Variants in FCHSD1 observed in about 807,000 individuals in gnomAD.
FCHSD1 encodes F-BAR and double SH3 domains protein 1.
A neutral mutation model predicts 101.3 loss-of-function variants in FCHSD1; 109 were observed. The observed-to-expected ratio is 1.08, with a 90% CI of 0.92 to 1.26. The LOEUF (loss-of-function observed/expected upper bound fraction) is 1.26. FCHSD1 is among the 50% of genes most tolerant of loss of function. The pLI, the probability that FCHSD1 is intolerant of heterozygous loss-of-function variation, is 0.00. For synonymous variants in FCHSD1, 291 were observed against 356.8 expected, an observed-to-expected ratio of 0.82 and a Z score of 2.08; for missense variants, 820 against 895.8, an observed-to-expected ratio of 0.92 and a Z score of 1.08.
chr5:141,649,149 T>A lies in FCHSD1; in HGVS notation c.512+23A>T, dbSNP rs1596467164. 7 of 1,613,772 alleles carry A rather than the reference T, an allele frequency of 4.3e-6. No individual in the cohort carries two copies. Among genetic ancestry groups the A allele is most frequent in the African/African-American group, 1.3e-5 (1 of 74,896 alleles). On this transcript the variant is annotated intron_variant, in intron 6 of 19. Coordinates refer to ENST00000435817, the MANE Select transcript of FCHSD1 (RefSeq NM_033449.3). The surrounding 1 kb of genome is among the most constrained non-coding windows in gnomAD (Gnocchi z 4.1). ...ACCTCCCTGTTCCCCAACCTTGGGC[T>A]TCCTCACTCTCCATGACCCCACCTG...
At chr5:141,650,996 A>G (rs768468119) in intron 2 of FCHSD1, 24 bp downstream of exon 2, 16 of 1,558,698 alleles carry the variant, frequency 1.0e-5, no homozygotes, top group African/African-American at 1.4e-5. Flanking sequence ...GGTGAGTGTA[A>G]ATGAAGGGGG....
chr5:141,642,024 C>T, intron 18 of FCHSD1: 1 of 567,386 alleles, frequency 1.8e-6, no homozygotes, highest in Non-Finnish European at 3.1e-6. Context: ...AATGAAACCT[C>T]AACAAACACA....
chr5:141,641,995 T>C, intron 18 of FCHSD1: 1 of 584,628 alleles, frequency 1.7e-6, no homozygotes, highest in Non-Finnish European at 3.0e-6. Flanking sequence ...CCACCCCCAA[T>C]GGCTGTCAAG....
In FCHSD1 at chr5:141,640,080, C is replaced by T. The variant is rs147092968; in HGVS notation, c.*1418G>A. 1.2e-6 allele frequency: 2 copies of T among 1,613,468 alleles called. No homozygotes were observed. The highest frequency in any genetic ancestry group is 2.2e-5 in the East Asian group (1 of 44,858). ...GGCAGGGATGCCTGCCATGGAGAGG[C>T]TGCCCCCTGAGAGGCCACAGCCCCA... On this transcript the variant is annotated 3_prime_UTR_variant, in exon 20 of 20. Coordinates refer to ENST00000435817, the MANE Select transcript of FCHSD1 (RefSeq NM_033449.3).
In FCHSD1 at chr5:141,641,727, T is replaced by G. The variant is rs116772138; in HGVS notation, c.1982A>C (p.Asp661Ala). Reference sequence around the variant, plus strand: ...CGGCCTGAGTCGAGGTGCCATCATGTCCAGGAACCCAGGGAAGTCCAGGGC... The same window carrying G: ...CGGCCTGAGTCGAGGTGCCATCATGGCCAGGAACCCAGGGAAGTCCAGGGC... ...DKALDFPGFL[D>A]MMAPRLRPMR... Residue 661 changes from aspartate (D) to alanine (A), a missense_variant, in exon 19 of 20, where the codon GAC (aspartate) becomes GCC (alanine). By Grantham distance (126) the Asp-to-Ala change is moderately radical (BLOSUM62 -2). Coordinates refer to ENST00000435817, the MANE Select transcript of FCHSD1 (RefSeq NM_033449.3). The G allele has an allele frequency of 0.021, 34,281 of 1,614,016 alleles. 523 individuals carry two copies. The highest frequency in any genetic ancestry group is 0.045 in the Middle Eastern group (274 of 6,062).
Position 141,641,447 on chromosome 5 carries a change from G to A in FCHSD1, c.*51C>T, listed in dbSNP as rs2099906897. The A allele has an allele frequency of 5.0e-6, 7 of 1,408,150 alleles. No individual in the cohort carries two copies. The South Asian group carries it at 8.2e-5, about 17-fold the overall frequency. The allele number at this position is 1,408,150 out of a possible 1,614,324, so 87.2% of individuals were successfully genotyped here. A position where few individuals can be genotyped will look rare whatever the true frequency, so the allele number is the denominator to read the frequency against. On this transcript the variant is annotated 3_prime_UTR_variant, in exon 20 of 20. Coordinates refer to ENST00000435817, the MANE Select transcript of FCHSD1 (RefSeq NM_033449.3). ...GGATCATTGATGGTGTGGTCTGACA[G>A]CTTGAAGATAGGGACAGCAGCATCA...
In FCHSD1 at chr5:141,651,328, C is replaced by T. The variant is rs770946972; in HGVS notation, c.21+20G>A. The stretch of plus-strand genomic sequence containing the variant: ...CGTTCCCCCAGCCCGCCAGGAGTCC[C>T]CATTCAGGGCCAAGCTCACTTTTCG... On this transcript the variant is annotated intron_variant, in intron 1 of 19. Transcript: ENST00000435817. 24 of 1,553,358 alleles carry T rather than the reference C, an allele frequency of 1.5e-5. No individual in the cohort carries two copies. Among genetic ancestry groups the T allele is most frequent in the South Asian group, 9.5e-5 (8 of 84,224 alleles).
Position 141,643,020 on chromosome 5 carries a change from AG to A in FCHSD1, c.1931del (p.Pro644LeufsTer19). 1.9e-6 allele frequency: 3 copies of A among 1,565,586 alleles called. No individual in the cohort carries two copies. The highest frequency in any genetic ancestry group is 2.4e-5 in the East Asian group (1 of 41,470). On this transcript the variant is annotated frameshift_variant, in exon 18 of 20. Coordinates refer to ENST00000435817, the MANE Select transcript of FCHSD1 (RefSeq NM_033449.3). LOFTEE classifies it high-confidence loss of function. ...PAPTSVLDGP[P>X]APVLPGDKAL... ...ACTCACCCCCAGGCAGGACAGGTGC[AG>A]GGGGCCCATCCAACACAGAGGTAGG...
At chr5:141,647,359 A>T (rs1396865332) in intron 9 of FCHSD1, 39 bp downstream of exon 9, 1 of 1,574,782 alleles carries the variant, frequency 6.4e-7, no homozygotes, top group Non-Finnish European at 8.6e-7. Context: ...AAGGGTAAAA[A>T]GGATCCCCGG....
At chr5:141,642,763 T>A (rs1596459091) in intron 18 of FCHSD1, 2 of 552,750 alleles carry the variant, frequency 3.6e-6, no homozygotes, top group African/African-American at 4.0e-5. Flanking sequence ...TAGTACCTTT[T>A]CCTTACCTCA....
In FCHSD1 at chr5:141,646,082, C is replaced by CGA. The variant is rs1374875805; in HGVS notation, c.1149+4_1149+5insTC. The stretch of plus-strand genomic sequence containing the variant: ...GGGATCTCTAACCTCAGGGGTGTGC[C>CGA]TCACCTGTGCCCGGCGGATGCTCTC... On this transcript the variant is annotated splice_donor_region_variant and intron_variant, in intron 12 of 19. Coordinates refer to ENST00000435817, the MANE Select transcript of FCHSD1 (RefSeq NM_033449.3). 5.0e-6 allele frequency: 8 copies of CGA among 1,606,740 alleles called. No individual in the cohort carries two copies. Among genetic ancestry groups the CGA allele is most frequent in the Non-Finnish European group, 6.8e-6 (8 of 1,176,796 alleles).
Position 141,643,026 on chromosome 5 carries a change from C to A in FCHSD1, c.1926G>T (p.Gly642=). 1.3e-6 allele frequency: 2 copies of A among 1,564,068 alleles called. No individual in the cohort carries two copies. The highest frequency in any genetic ancestry group is 1.7e-4 in the Middle Eastern group (1 of 5,886). Reference sequence around the variant, plus strand: ...CCCCAGGCAGGACAGGTGCAGGGGGCCCATCCAACACAGAGGTAGGTGCAG... The same window carrying A: ...CCCCAGGCAGGACAGGTGCAGGGGGACCATCCAACACAGAGGTAGGTGCAG... ...SPPAPTSVLD[G]PPAPVLPGDK... is the part of the protein sequence containing the mutation. The change falls in exon 18 of 20, where the codon GGG becomes GGT. Residue 642 remains glycine, a synonymous_variant. Transcript: ENST00000435817.
chr5:141,647,022 C>T, intron 10 of FCHSD1, 113 bp downstream of exon 10: 1 of 1,077,818 alleles, frequency 9.3e-7, no homozygotes, highest in Non-Finnish European at 1.3e-6. Context: ...TTCTGAAACC[C>T]CCTCTCCACG....
Position 141,649,623 on chromosome 5 carries a change from T to C in FCHSD1, c.234-87A>G. 1 of 1,422,922 alleles carries C rather than the reference T, an allele frequency of 7.0e-7. No individual in the cohort carries two copies. Among genetic ancestry groups the C allele is most frequent in the Non-Finnish European group, 9.4e-7 (1 of 1,066,046 alleles). The allele number at this position is 1,422,922 out of a possible 1,614,324, so 88.1% of individuals were successfully genotyped here. On this transcript the variant is annotated intron_variant, in intron 4 of 19. Coordinates refer to ENST00000435817, the MANE Select transcript of FCHSD1 (RefSeq NM_033449.3). The surrounding 1 kb of genome is among the most constrained non-coding windows in gnomAD (Gnocchi z 4.1). ...ACCCCCTGCCCCCTGACCAACACCA[T>C]GGGAGACAGAGTGCTTTCCCATCCT... is the stretch of plus-strand genomic sequence containing the variant.
At chr5:141,650,101 T>G (rs980227819) in intron 3 of FCHSD1, 147 bp from the exon 4 acceptor site, 20 of 924,322 alleles carry the variant, frequency 2.2e-5, no homozygotes, top group Non-Finnish European at 3.2e-5. Context: ...ATTAATTTGT[T>G]TAATCCTTAC....
intron 3 of FCHSD1, 86 bp from the exon 4 acceptor site, chr5:141,650,040 C>T: frequency 7.3e-7 from 1 of 1,367,706 alleles, no homozygotes; most frequent in Non-Finnish European, 9.9e-7. Flanking sequence ...ATAATCATAC[C>T]ATTCTTTGGG....
rs752602206 is a variant in FCHSD1, at chr5:141,646,314, G to A, written c.1045-123C>T. 961 of 1,049,246 alleles carry A rather than the reference G, an allele frequency of 9.2e-4. 1 individual carries two copies. The highest frequency in any genetic ancestry group is 1.6e-3 in the Admixed American group (81 of 50,100). The allele number at this position is 1,049,246 out of a possible 1,614,324, so 65.0% of individuals were successfully genotyped here. ...TCATTTAATCTTCCCTATGAGGTGG[G>A]TGCTATTATTGGCCCTACTTTAGTG... On this transcript the variant is annotated intron_variant, in intron 11 of 19. Coordinates refer to ENST00000435817, the MANE Select transcript of FCHSD1 (RefSeq NM_033449.3).
intron 18 of FCHSD1, chr5:141,642,475 T>C (rs922349845): frequency 4.0e-5 from 26 of 651,010 alleles, no homozygotes; most frequent in African/African-American, 2.6e-4. Flanking sequence ...TATATCCATA[T>C]GACAAACAAG....
chr5:141,641,330 G>C lies in FCHSD1; in HGVS notation c.*168C>G. ...AGAACAATGGGAAAAAAAGGAGTGG[G>C]TTCCAGCTCTAGAAATGGGAAGGGG... is the stretch of plus-strand genomic sequence containing the variant. On this transcript the variant is annotated 3_prime_UTR_variant, in exon 20 of 20. Coordinates refer to ENST00000435817, the MANE Select transcript of FCHSD1 (RefSeq NM_033449.3). 1 of 555,286 alleles carries C rather than the reference G, an allele frequency of 1.8e-6. No individual in the cohort carries two copies. Among genetic ancestry groups the C allele is most frequent in the Non-Finnish European group, 3.1e-6 (1 of 322,200 alleles). The allele number at this position is 555,286 out of a possible 1,614,324, so 34.4% of individuals were successfully genotyped here. A position where few individuals can be genotyped will look rare whatever the true frequency, so the allele number is the denominator to read the frequency against.
Sources: gnomAD v4.1 joint callset for allele counts on GRCh38, gnomAD v4.1.1 for gene constraint, Gnocchi (gnomAD v3.1) non-coding constraint, MANE v1.5 for transcripts, NCBI Gene and HGNC (gene_info 2026-07-23, HGNC 2026-07-21) for gene names.